The following ERO1A variants were observed in gnomAD, a reference collection of about 807,000 sequenced individuals.
ERO1A encodes endoplasmic reticulum oxidoreductase 1 alpha, also known as ERO1-like protein alpha.
In ERO1A, 49 loss-of-function variants were observed where a neutral mutation model predicts 76.9. The ratio of observed to expected loss-of-function variants is 0.64; its 90% CI spans 0.51 to 0.81. ERO1A has a LOEUF of 0.81. ERO1A is among the 30% of genes least tolerant of loss of function. The pLI is 0.00. For missense variants in ERO1A, 448 were observed against 542.1 expected (o/e 0.83, Z 1.72); for synonymous variants, 174 against 181.2 (o/e 0.96, Z 0.32).
At chr14:52,661,648 C>A (rs2040237686) in intron 8 of ERO1A, among the ~76,000 whole-genome samples, 1 of 152,146 alleles carries the variant, frequency 6.6e-6, no homozygotes, top group Admixed American at 6.5e-5. Context: ...CTGACAGAGA[C>A]TTTTCCACAT....
chr14:52,672,028 G>C (rs1407219541), intron 4 of ERO1A, 157 bp from the exon 5 acceptor site: 2 of 582,678 alleles, frequency 3.4e-6, no homozygotes, highest in African/African-American at 1.9e-5. Context: ...AATCAGGCCA[G>C]GTACGGTGGC....
chr14:52,651,163 C>T (rs772350049), intron 13 of ERO1A, among the ~76,000 whole-genome samples: 1 of 150,716 alleles, frequency 6.6e-6, no homozygotes, highest in Non-Finnish European at 1.5e-5. Flanking sequence ...CCTGTGGTCC[C>T]AGCTACTCAA....
At chr14:52,670,422 C>G (rs1167390512) in intron 6 of ERO1A, among the ~76,000 whole-genome samples, 2 of 152,300 alleles carry the variant, frequency 1.3e-5, no homozygotes, top group Admixed American at 6.5e-5. Context: ...GCTCTGTCAC[C>G]AGGTTGGAGT....
At chr14:52,656,663 G>C (rs532045982) in intron 11 of ERO1A, among the ~76,000 whole-genome samples, 1 of 137,874 alleles carries the variant, frequency 7.3e-6, no homozygotes, top group Non-Finnish European at 1.5e-5. Context: ...AGTGAGCCAA[G>C]ATCACACCAC....
At chr14:52,686,768 A>G (rs541868133) in intron 1 of ERO1A, among the ~76,000 whole-genome samples, 1 of 152,142 alleles carries the variant, frequency 6.6e-6, no homozygotes, top group African/African-American at 2.4e-5. Flanking sequence ...CCAGCTGCTC[A>G]GGAGGCTGAG....
intron 15 of ERO1A, among the ~76,000 whole-genome samples, chr14:52,645,454 C>T (rs1054533254): frequency 7.9e-5 from 12 of 151,630 alleles, no homozygotes; most frequent in Non-Finnish European, 1.6e-4. Context: ...AGGCATGCTC[C>T]ACCATGCCTG....
At chr14:52,676,807 G>C (rs2040799636) in intron 4 of ERO1A, among the ~76,000 whole-genome samples, 2 of 151,588 alleles carry the variant, frequency 1.3e-5, no homozygotes, top group Non-Finnish European at 2.9e-5. Flanking sequence ...GGCCGAGGTG[G>C]GTGAACAGCT....
intron 1 of ERO1A, among the ~76,000 whole-genome samples, chr14:52,685,180 A>C (rs2041139471): frequency 6.6e-6 from 1 of 152,152 alleles, no homozygotes; most frequent in Non-Finnish European, 1.5e-5. Flanking sequence ...AGAATATCAC[A>C]AAAGAGTAAT....
At chr14:52,667,112 C>T (rs1044953250) in intron 6 of ERO1A, among the ~76,000 whole-genome samples, 7 of 152,184 alleles carry the variant, frequency 4.6e-5, no homozygotes, top group African/African-American at 1.4e-4. Flanking sequence ...ATACATTTCC[C>T]TCCACATTAA....
In ERO1A at chr14:52,676,458, T is replaced by C. The variant is rs143683770; in HGVS notation, c.357+1976A>G. Reference sequence around the variant, plus strand: ...GGTATGATACAGGCCACAGCACAAATGGCTACTAAGTCCAAGAGACCAAGA... The same window carrying C: ...GGTATGATACAGGCCACAGCACAAACGGCTACTAAGTCCAAGAGACCAAGA... On this transcript the variant is annotated intron_variant, in intron 4 of 15. Coordinates refer to ENST00000395686, the MANE Select transcript of ERO1A (RefSeq NM_014584.3). 1.4e-4 allele frequency among the ~76,000 whole-genome samples: 21 copies of C among 152,254 alleles called. No homozygotes were observed. In the East Asian group the frequency reaches 3.9e-3, roughly 28 times the overall value.
chr14:52,671,520 G>T, intron 6 of ERO1A, 110 bp downstream of exon 6: 1 of 667,538 alleles, frequency 1.5e-6, no homozygotes, highest in Non-Finnish European at 2.5e-6. Context: ...TCAGCCTCCA[G>T]ATAAGCTGGG....
In ERO1A at chr14:52,643,534, A is replaced by G. The variant is rs182077695; in HGVS notation, c.*36T>C. 376 of 1,384,296 alleles carry G rather than the reference A, an allele frequency of 2.7e-4. 1 individual carries two copies. The African/African-American group carries it at 5.2e-3, about 19-fold the overall frequency. The allele number at this position is 1,384,296 out of a possible 1,614,324, so 85.8% of individuals were successfully genotyped here. A position where few individuals can be genotyped will look rare whatever the true frequency, so the allele number is the denominator to read the frequency against. On this transcript the variant is annotated 3_prime_UTR_variant, in exon 16 of 16. Coordinates refer to ENST00000395686, the MANE Select transcript of ERO1A (RefSeq NM_014584.3). ...AATGAAATTCCACTCTTTCGCCTCCATTGTCCAGAAACAGGCACATATCAG... is the reference window on the plus strand; with the variant it reads ...AATGAAATTCCACTCTTTCGCCTCCGTTGTCCAGAAACAGGCACATATCAG...
At position 52,653,142 on chromosome 14, in the gene ERO1A, G is replaced by C. The variant is rs1485319706; in HGVS notation, c.982C>G (p.Gln328Glu). Residue 328 changes from glutamine (Q) to glutamate (E), a missense_variant, in exon 12 of 16, where the codon CAA becomes GAA. Transcript: ENST00000395686. The stretch of plus-strand genomic sequence containing the variant: ...TGAATTTTATTTCCAGTAAAGAGTT[G>C]AAAATCTGGGCGCTCGAAGAATGGT... Reference protein sequence around the residue: ...VLPFFERPDFQLFTGNKIQDE... With the variant: ...VLPFFERPDFELFTGNKIQDE... The C allele has an allele frequency of 6.2e-7, 1 of 1,612,096 alleles. No homozygotes were observed. The highest frequency in any genetic ancestry group is 8.5e-7 in the Non-Finnish European group (1 of 1,178,528).
At chr14:52,653,725 A>G (rs1323227593) in intron 11 of ERO1A, among the ~76,000 whole-genome samples, 1 of 151,882 alleles carries the variant, frequency 6.6e-6, no homozygotes, top group Non-Finnish European at 1.5e-5. Flanking sequence ...TTAAGTTGCT[A>G]TTGATTATAG....
chr14:52,644,434 C>T (rs1013942267), intron 15 of ERO1A, among the ~76,000 whole-genome samples: 10 of 152,084 alleles, frequency 6.6e-5, no homozygotes, highest in African/African-American at 2.4e-4. Flanking sequence ...CAATCAAATA[C>T]ATAAGTATGA....
At chr14:52,692,979 A>G (rs1192072581) in intron 1 of ERO1A, among the ~76,000 whole-genome samples, 1 of 135,296 alleles carries the variant, frequency 7.4e-6, no homozygotes, top group African/African-American at 2.7e-5. Flanking sequence ...TGGAATTGAT[A>G]GTCTCTGTTC....
intron 4 of ERO1A, among the ~76,000 whole-genome samples, chr14:52,673,999 T>C (rs1413699460): frequency 6.6e-6 from 1 of 152,258 alleles, no homozygotes; most frequent in Non-Finnish European, 1.5e-5. Context: ...ATTTGTTTCA[T>C]AGATTTCTTG....
chr14:52,652,478 A>G (rs1292073041), intron 12 of ERO1A, among the ~76,000 whole-genome samples, 170 bp from the exon 13 acceptor site: 1 of 152,116 alleles, frequency 6.6e-6, no homozygotes, highest in Non-Finnish European at 1.5e-5. Flanking sequence ...CTTGATTCTA[A>G]CTGCGTAATA....
intron 9 of ERO1A, among the ~76,000 whole-genome samples, chr14:52,659,427 C>T (rs996910230): frequency 5.3e-5 from 8 of 152,168 alleles, no homozygotes; most frequent in African/African-American, 1.2e-4. Flanking sequence ...AGCAGAGAAG[C>T]GTATCTGGTA....
Sources: gnomAD v4.1 joint callset for allele counts (sites outside exome capture counted in the v4.1 genomes callset) on GRCh38, gnomAD v4.1.1 for gene constraint, MANE v1.5 for transcripts, NCBI Gene and HGNC (gene_info 2026-07-23, HGNC 2026-07-21) for gene names.